The following THRB variants were observed in gnomAD, a reference collection of about 807,000 sequenced individuals.
THRB encodes the protein thyroid hormone receptor beta.
THRB carries 12 observed loss-of-function variants against 47.8 expected under a neutral mutation model. The observed-to-expected ratio is 0.25, with a 90% CI of 0.16 to 0.41. The LOEUF (loss-of-function observed/expected upper bound fraction) is 0.41. Ranked by LOEUF, THRB falls within the 10% of genes least tolerant of loss-of-function variation. THRB has a pLI of 1.00. For synonymous variants in THRB, 218 were observed against 212.2 expected, an observed-to-expected ratio of 1.03 and a Z score of -0.24; for missense variants, 348 against 589.2, an observed-to-expected ratio of 0.59 and a Z score of 4.24.
intron 3 of THRB, among the ~76,000 whole-genome samples, chr3:24,281,042 A>T (rs956828815): frequency 6.6e-6 from 1 of 152,142 alleles, no homozygotes; most frequent in African/African-American, 2.4e-5. Flanking sequence ...AACTTCCCCA[A>T]TCTAGCAAGG....
intron 1 of THRB, among the ~76,000 whole-genome samples, chr3:24,361,396 A>T (rs1046896700): frequency 1.3e-5 from 2 of 152,108 alleles, no homozygotes; most frequent in Non-Finnish European, 1.5e-5. Flanking sequence ...AGAGATTGTG[A>T]AGTCTTGGAG....
intron 4 of THRB, among the ~76,000 whole-genome samples, chr3:24,203,086 T>C (rs1478425980): frequency 6.6e-6 from 1 of 152,176 alleles, no homozygotes; most frequent in Non-Finnish European, 1.5e-5. Context: ...GCAAAATCTC[T>C]CCTGGAAAAT....
intron 8 of THRB, among the ~76,000 whole-genome samples, chr3:24,142,795 T>C (rs1416440552): frequency 6.6e-6 from 1 of 152,240 alleles, no homozygotes; most frequent in Non-Finnish European, 1.5e-5. Context: ...GCTTAAGGCC[T>C]TGGGCTTGGT....
chr3:24,473,002 A>G (rs933272244), intron 1 of THRB, among the ~76,000 whole-genome samples: 3 of 152,162 alleles, frequency 2.0e-5, no homozygotes, highest in Non-Finnish European at 4.4e-5. Context: ...CATCTGTCCT[A>G]TGCTCTTATA....
intron 1 of THRB, among the ~76,000 whole-genome samples, chr3:24,470,029 T>A (rs1194282094): frequency 6.6e-6 from 1 of 152,146 alleles, no homozygotes; most frequent in African/African-American, 2.4e-5. Flanking sequence ...TTCTAGAGGG[T>A]CATTTAGAAT....
intron 1 of THRB, among the ~76,000 whole-genome samples, chr3:24,388,283 T>C (rs565394241): frequency 6.6e-6 from 1 of 152,278 alleles, no homozygotes; most frequent in Admixed American, 6.5e-5. Flanking sequence ...CAGAGACATT[T>C]ACTGAGACTC....
intron 1 of THRB, among the ~76,000 whole-genome samples, chr3:24,352,092 G>A (rs1312120214): frequency 6.6e-6 from 1 of 152,132 alleles, no homozygotes; most frequent in Non-Finnish European, 1.5e-5. Context: ...AGGGTGTAAA[G>A]TCTTTCTCAG....
intron 5 of THRB, among the ~76,000 whole-genome samples, chr3:24,159,817 C>T (rs919277021): frequency 5.9e-5 from 9 of 151,754 alleles, no homozygotes; most frequent in South Asian, 2.1e-4. Flanking sequence ...TGATGCTAAA[C>T]GTCCTACAAT....
intron 6 of THRB, among the ~76,000 whole-genome samples, chr3:24,151,678 T>C (rs1425482897): frequency 2.0e-5 from 3 of 152,202 alleles, no homozygotes; most frequent in Non-Finnish European, 4.4e-5. Flanking sequence ...CAAAAGATAT[T>C]TTCCAGAAAC....
intron 3 of THRB, among the ~76,000 whole-genome samples, chr3:24,274,568 C>T (rs7638165): frequency 0.054 from 8,166 of 152,136 alleles, 705 homozygotes; most frequent in African/African-American, 0.18. Flanking sequence ...TTCCATTTTC[C>T]TTTCCTTCTT....
intron 3 of THRB, among the ~76,000 whole-genome samples, chr3:24,283,887 C>T (rs1294380226): frequency 1.4e-5 from 2 of 147,880 alleles, no homozygotes; most frequent in African/African-American, 2.5e-5. Context: ...TGTGAAGGAC[C>T]TCTTCAAGGA....
intron 3 of THRB, among the ~76,000 whole-genome samples, chr3:24,244,391 A>C: frequency 6.6e-6 from 1 of 152,126 alleles, no homozygotes; most frequent in East Asian, 1.9e-4. Flanking sequence ...TTGAGTTTTG[A>C]ATTGGGAGTG....
At chr3:24,363,565 G>A (rs1014496273) in intron 1 of THRB, among the ~76,000 whole-genome samples, 1 of 151,956 alleles carries the variant, frequency 6.6e-6, no homozygotes, top group African/African-American at 2.4e-5. Context: ...GAAGCTCAAG[G>A]GATAGAAGAT....
intron 2 of THRB, among the ~76,000 whole-genome samples, chr3:24,308,358 C>A (rs958915944): frequency 6.6e-6 from 1 of 152,126 alleles, no homozygotes; most frequent in Non-Finnish European, 1.5e-5. Flanking sequence ...GGAGGCTTAA[C>A]AATACAAGGT....
At position 24,332,753 on chromosome 3, in the gene THRB, A is replaced by T. The variant is rs60560537; in HGVS notation, c.-189+4547T>A. ...ATAGGGAAACATTTGGGGAAAGGAA[A>T]AGGAGATAAAACTCAAACACGGGCT... On this transcript the variant is annotated intron_variant, in intron 2 of 10. Coordinates refer to ENST00000646209, the MANE Select transcript of THRB (RefSeq NM_001354712.2). Among the ~76,000 whole-genome samples the T allele has an allele frequency of 6.1e-3, 928 of 152,320 alleles. 8 individuals carry two copies. Among genetic ancestry groups the T allele is most frequent in the African/African-American group, 0.018 (763 of 41,572 alleles).
chr3:24,408,203 T>C, intron 1 of THRB, among the ~76,000 whole-genome samples: 1 of 151,880 alleles, frequency 6.6e-6, no homozygotes. Context: ...CATTAAAGGT[T>C]TGTCAGCTTA....
intron 1 of THRB, among the ~76,000 whole-genome samples, chr3:24,472,663 A>G (rs534252290): frequency 2.0e-5 from 3 of 152,342 alleles, no homozygotes; most frequent in Non-Finnish European, 4.4e-5. Context: ...CTAATTCCTG[A>G]GGACCTGATA....
intron 2 of THRB, among the ~76,000 whole-genome samples, chr3:24,321,261 G>GC (rs1410376587): frequency 1.3e-5 from 2 of 152,130 alleles, no homozygotes; most frequent in Non-Finnish European, 2.9e-5. Flanking sequence ...CTTCATTCCT[G>GC]CATCCATTCA....
chr3:24,252,849 AAAG>A (rs1256639184), intron 3 of THRB, among the ~76,000 whole-genome samples: 1 of 152,132 alleles, frequency 6.6e-6, no homozygotes, highest in Non-Finnish European at 1.5e-5. Context: ...ATACAAAGAG[AAAG>A]AAGAATATAA....
Sources: allele counts gnomAD v4.1 joint callset (sites outside exome capture counted in the v4.1 genomes callset), GRCh38; gene constraint gnomAD v4.1.1; transcripts MANE v1.5; gene names NCBI Gene and HGNC (gene_info 2026-07-23, HGNC 2026-07-21).